The following ZFYVE28 variants were observed in gnomAD, a reference collection of about 807,000 sequenced individuals.
ZFYVE28 encodes zinc finger FYVE-type containing 28.
A neutral mutation model predicts 82.1 loss-of-function variants in ZFYVE28; 40 were observed. The ratio of observed to expected loss-of-function variants is 0.49; its 90% confidence interval spans 0.38 to 0.63. ZFYVE28 has a LOEUF of 0.63. ZFYVE28 is among the 30% of genes least tolerant of loss of function. The pLI is 0.00. For synonymous variants in ZFYVE28, 612 were observed against 546.1 expected (o/e 1.12, Z -1.68); for missense variants, 1,321 against 1,242.1 (o/e 1.06, Z -0.96).
rs544787858 is a variant in ZFYVE28, at chr4:2,323,041, C to A, written c.702-2770G>T. Among the ~76,000 whole-genome samples, 6 of 152,266 alleles carry A rather than the reference C, an allele frequency of 3.9e-5. No homozygotes were observed. In the South Asian group the frequency reaches 1.2e-3, roughly 32 times the overall value. ...AAGTTTGTTCACGGACATATGTTTT[C>A]ATTTCTCTTGGGTATATGCCTAGAA... On this transcript the variant is annotated intron_variant, in intron 6 of 12. Transcript: ENST00000290974.
intron 8 of ZFYVE28, among the ~76,000 whole-genome samples, chr4:2,301,598 C>T (rs553585265): frequency 4.6e-5 from 7 of 152,240 alleles, no homozygotes; most frequent in African/African-American, 1.2e-4. Context: ...ACAGAGCTCA[C>T]GCCAGGAAGG....
At chr4:2,310,512 A>G (rs546877622) in intron 7 of ZFYVE28, among the ~76,000 whole-genome samples, 1 of 152,316 alleles carries the variant, frequency 6.6e-6, no homozygotes, top group African/African-American at 2.4e-5. Flanking sequence ...AAAACAAAAA[A>G]AAGAGTTAGG....
intron 1 of ZFYVE28, among the ~76,000 whole-genome samples, chr4:2,407,056 C>T (rs1416473011): frequency 3.3e-5 from 5 of 152,090 alleles, no homozygotes; most frequent in Admixed American, 1.3e-4. Flanking sequence ...GCCAGGAGCA[C>T]GGATGCTCAC....
chr4:2,374,514 G>A (rs1396807909), intron 1 of ZFYVE28, among the ~76,000 whole-genome samples: 2 of 152,156 alleles, frequency 1.3e-5, no homozygotes, highest in East Asian at 3.9e-4. Context: ...TAGGGAGGCT[G>A]AGGTGGGAGG....
rs527431645 is a variant in ZFYVE28 at position 2,404,183 on chromosome 4, A to AT, written c.39+14101dup. 7.5e-4 allele frequency among the ~76,000 whole-genome samples: 111 copies of AT among 148,188 alleles called. 1 individual carries two copies. In the Middle Eastern group the frequency reaches 0.011, roughly 15 times the overall value. On this transcript the variant is annotated intron_variant, in intron 1 of 12. Transcript: ENST00000290974. ...AAAATACAAAAAAAATTATCCAGGC[A>AT]TGGTGGTGGGTGCCTGTAGTCCCAG...
intron 8 of ZFYVE28, among the ~76,000 whole-genome samples, chr4:2,294,262 A>G (rs1190175662): frequency 6.6e-6 from 1 of 152,242 alleles, no homozygotes; most frequent in East Asian, 1.9e-4. Flanking sequence ...AAATAGATTA[A>G]TAGAACAGAC....
intron 2 of ZFYVE28, among the ~76,000 whole-genome samples, chr4:2,342,037 G>A (rs60256339): frequency 0.16 from 24,732 of 152,124 alleles, 2,376 homozygotes; most frequent in African/African-American, 0.24. Flanking sequence ...GGGCTCAGAC[G>A]GACTCTCAGT....
At chr4:2,379,978 G>T (rs1271710226) in intron 1 of ZFYVE28, among the ~76,000 whole-genome samples, 2 of 152,062 alleles carry the variant, frequency 1.3e-5, no homozygotes, top group Admixed American at 1.3e-4. Flanking sequence ...AGTAGAGATG[G>T]GGTTTTGCCA....
At chr4:2,365,356 A>C (rs1726757933) in intron 1 of ZFYVE28, among the ~76,000 whole-genome samples, 1 of 147,728 alleles carries the variant, frequency 6.8e-6, no homozygotes, top group Admixed American at 6.9e-5. Flanking sequence ...ACGTGCACTC[A>C]CAAAGGGCGT....
chr4:2,343,829 T>C (rs1283644438), intron 2 of ZFYVE28, among the ~76,000 whole-genome samples: 6 of 152,240 alleles, frequency 3.9e-5, no homozygotes, highest in Admixed American at 3.3e-4. Context: ...CCAGCCTTCC[T>C]GGTCTGCTAG....
At position 2,304,828 on chromosome 4, in the gene ZFYVE28, G is replaced by A. The variant is rs557128139; in HGVS notation, c.1512C>T (p.Ile504=). The part of the protein sequence containing the change: ...GADDAETAEM[I]AHRTGGMKLS... ...GCTTCATGCCCCCTGTCCGGTGGGC[G>A]ATCATCTCAGCCGTCTCTGCGTCAT... The change falls in exon 8 of 13, where the codon ATC becomes ATT. Residue 504 remains isoleucine, a synonymous_variant. Transcript: ENST00000290974. The A allele has an allele frequency of 1.1e-4, 171 of 1,612,658 alleles. 2 individuals are homozygous for A. The South Asian group carries it at 1.1e-3, about 11-fold the overall frequency.
At chr4:2,311,116 T>C (rs1189935646) in intron 7 of ZFYVE28, among the ~76,000 whole-genome samples, 2 of 152,232 alleles carry the variant, frequency 1.3e-5, no homozygotes, top group African/African-American at 4.8e-5. Flanking sequence ...TTAATATCTG[T>C]AAGGTCTGTG....
intron 1 of ZFYVE28, among the ~76,000 whole-genome samples, chr4:2,395,841 G>C (rs1730384409): frequency 6.6e-6 from 1 of 152,110 alleles, no homozygotes; most frequent in African/African-American, 2.4e-5. Context: ...CTCCAGATTA[G>C]GGCTGGGCTC....
chr4:2,273,728 C>G (rs925394722), intron 9 of ZFYVE28, among the ~76,000 whole-genome samples: 3 of 152,194 alleles, frequency 2.0e-5, no homozygotes, highest in Non-Finnish European at 4.4e-5. Flanking sequence ...GCAGGCACAG[C>G]CCCCCAGCAG....
chr4:2,330,455 G>A, intron 6 of ZFYVE28: 3 of 1,072,568 alleles, frequency 2.8e-6, no homozygotes, highest in East Asian at 8.6e-5. Flanking sequence ...GCACGGAGGA[G>A]GGAACATCAT....
chr4:2,341,487 G>GA lies in ZFYVE28; in HGVS notation c.308dup (p.Gly104ArgfsTer41). The GA allele has an allele frequency of 1.2e-6, 2 of 1,610,816 alleles. No homozygotes were observed. The highest frequency in any genetic ancestry group is 1.7e-6 in the Non-Finnish European group (2 of 1,178,370). ...GGTGGCCACCCGCTACCTCGGCACC[G>GA]AACCACAGCTGGCCGGCCAGGTTGT... On this transcript the variant is annotated frameshift_variant, in exon 3 of 13. Transcript: ENST00000290974. LOFTEE classifies it high-confidence loss of function. This position sits in a 1 kb window ranked among gnomAD's most constrained non-coding sequence, Gnocchi z 4.5.
chr4:2,401,446 G>A (rs1055155565), intron 1 of ZFYVE28, among the ~76,000 whole-genome samples: 5 of 152,118 alleles, frequency 3.3e-5, no homozygotes, highest in Middle Eastern at 3.2e-3. Context: ...GGCCCGGGTC[G>A]CAGGGACACA....
intron 1 of ZFYVE28, among the ~76,000 whole-genome samples, chr4:2,391,529 T>C (rs1729829519): frequency 6.8e-6 from 1 of 147,648 alleles, no homozygotes; most frequent in Admixed American, 6.9e-5. Context: ...CCTTTTTAAG[T>C]CTACAGCTCA....
rs115545770 is a variant in ZFYVE28, at chr4:2,418,309, G to T, written c.15C>A (p.Phe5Leu). The T allele has an allele frequency of 6.5e-7, 1 of 1,532,846 alleles. No homozygotes were observed. The highest frequency in any genetic ancestry group is 2.6e-5 in the East Asian group (1 of 38,254). The allele number at this position is 1,532,846 out of a possible 1,614,324, so 95.0% of individuals were successfully genotyped here. A position where few individuals can be genotyped will look rare whatever the true frequency, so the allele number is the denominator to read the frequency against. The change falls in exon 1 of 13, where the codon TTC becomes TTA. Residue 5 changes from phenylalanine to leucine, a missense_variant. By Grantham distance (22) the Phe-to-Leu change is conservative. Coordinates refer to ENST00000290974, the MANE Select transcript of ZFYVE28 (RefSeq NM_020972.3). This position sits in a 1 kb window ranked among gnomAD's most constrained non-coding sequence, Gnocchi z 4.6. MMNRFRKWLYKPKRS... is the reference protein window; with the variant it reads MMNRLRKWLYKPKRS... ...CCTTGGGTTTGTAGAGCCACTTTCG[G>T]AACCTGTTCATCATCGCCGCGCCGG...
Sources: allele counts gnomAD v4.1 joint callset (sites outside exome capture counted in the v4.1 genomes callset), GRCh38; gene constraint gnomAD v4.1.1; non-coding constraint Gnocchi (gnomAD v3.1); transcripts MANE v1.5; gene names NCBI Gene and HGNC (gene_info 2026-07-23, HGNC 2026-07-21).